ELL: variants seen among roughly 807,000 people sequenced by gnomAD.
ELL encodes the protein elongation factor for RNA polymerase II, also known as RNA polymerase II elongation factor ELL.
A neutral mutation model predicts 64.0 loss-of-function variants in ELL; 18 were observed. The ratio of observed to expected loss-of-function variants is 0.28; its 90% CI spans 0.19 to 0.42. The LOEUF is 0.42. ELL is among the 10% of genes least tolerant of loss of function. The pLI, the probability that ELL is intolerant of heterozygous loss-of-function variation, is 1.00. For synonymous variants in ELL, 399 were observed against 376.2 expected (o/e 1.06, Z -0.70); for missense variants, 797 against 870.4 (o/e 0.92, Z 1.06).
chr19:18,508,765 C>G (rs1975938286), intron 1 of ELL, among the ~76,000 whole-genome samples: 1 of 152,216 alleles, frequency 6.6e-6, no homozygotes. Flanking sequence ...GCAAGAGCAG[C>G]CATAAATTAC....
At chr19:18,515,360 T>C (rs955223089) in intron 1 of ELL, among the ~76,000 whole-genome samples, 1 of 152,170 alleles carries the variant, frequency 6.6e-6, no homozygotes, top group Non-Finnish European at 1.5e-5. Context: ...GCCCACCTGT[T>C]CCACCCCAGC....
At chr19:18,520,687 G>A (rs1015019368) in intron 1 of ELL, among the ~76,000 whole-genome samples, 1 of 151,840 alleles carries the variant, frequency 6.6e-6, no homozygotes, top group African/African-American at 2.4e-5. Flanking sequence ...TTCCTAGTTA[G>A]TCTCCCTCCT....
intron 1 of ELL, among the ~76,000 whole-genome samples, chr19:18,479,182 C>T (rs1975239681): frequency 6.6e-6 from 1 of 152,174 alleles, no homozygotes; most frequent in Non-Finnish European, 1.5e-5. Flanking sequence ...AGGGCGGGGA[C>T]AGTCCCCACC....
chr19:18,465,271 C>A, intron 4 of ELL, 141 bp downstream of exon 4: 2 of 1,241,056 alleles, frequency 1.6e-6, no homozygotes, highest in Non-Finnish European at 2.2e-6. Context: ...CCAGGCACGT[C>A]CTGCTCAGGG....
rs1012199030 is a variant in ELL at position 18,449,879 on chromosome 19, G to A, written c.1465+598C>T. Among the ~76,000 whole-genome samples the A allele has an allele frequency of 6.6e-6, 1 of 152,202 alleles. No individual in the cohort carries two copies. The highest frequency in any genetic ancestry group is 2.4e-5 in the African/African-American group (1 of 41,448). On this transcript the variant is annotated intron_variant, in intron 8 of 11. Coordinates refer to ENST00000262809, the MANE Select transcript of ELL (RefSeq NM_006532.4). The surrounding 1 kb of genome is among the most constrained non-coding windows in gnomAD (Gnocchi z 4.4). The stretch of plus-strand genomic sequence containing the variant: ...CTACTGCTGCTCAGTTTAGGTGCCT[G>A]GGCTGTGGTCTCGGAGCCGCCCAGG...
intron 5 of ELL, among the ~76,000 whole-genome samples, chr19:18,461,367 G>A (rs1974810327): frequency 2.6e-5 from 4 of 152,194 alleles, no homozygotes; most frequent in Admixed American, 2.6e-4. Context: ...GGACAGTCGG[G>A]GCCATGCCCA....
At chr19:18,485,390 G>A (rs1265385743) in intron 1 of ELL, among the ~76,000 whole-genome samples, 2 of 152,078 alleles carry the variant, frequency 1.3e-5, no homozygotes, top group East Asian at 3.9e-4. Context: ...CACTCCCAAG[G>A]CCACCCGTCC....
intron 1 of ELL, among the ~76,000 whole-genome samples, chr19:18,495,365 G>A (rs1287707841): frequency 2.0e-5 from 3 of 152,190 alleles, no homozygotes; most frequent in East Asian, 1.9e-4. Context: ...GGGGTGTGGA[G>A]AGGAACTGGC....
intron 4 of ELL, among the ~76,000 whole-genome samples, chr19:18,462,978 GGGCAGGGTCCAGCACGCTGCT>G (rs1974858598): frequency 6.6e-6 from 1 of 152,088 alleles, no homozygotes; most frequent in Non-Finnish European, 1.5e-5. Context: ...GCAGAGACGT[GGGCAGGGTCCAGCACGCTGCT>G]CCCCTGCTCT....
chr19:18,481,981 G>C (rs1202217409), intron 1 of ELL, among the ~76,000 whole-genome samples: 2 of 152,156 alleles, frequency 1.3e-5, no homozygotes, highest in African/African-American at 2.4e-5. Context: ...GGCAGCGAAT[G>C]AGAGTTCCTG....
chr19:18,504,017 C>A (rs1206267030), intron 1 of ELL, among the ~76,000 whole-genome samples: 5 of 152,264 alleles, frequency 3.3e-5, no homozygotes, highest in Non-Finnish European at 5.9e-5. Flanking sequence ...AAGGGGCTCA[C>A]TGAAGCACTG....
chr19:18,478,076 C>G (rs1975217112), intron 1 of ELL, among the ~76,000 whole-genome samples: 1 of 152,132 alleles, frequency 6.6e-6, no homozygotes, highest in Non-Finnish European at 1.5e-5. Context: ...AGCTAGGTCC[C>G]TTCACGGTGG....
chr19:18,452,531 G>A (rs918123410), intron 6 of ELL, among the ~76,000 whole-genome samples: 1 of 152,250 alleles, frequency 6.6e-6, no homozygotes, highest in Non-Finnish European at 1.5e-5. Flanking sequence ...GAAGACACCG[G>A]AAAGCATAGC....
intron 7 of ELL, 105 bp downstream of exon 7, chr19:18,451,447 G>C: frequency 1.9e-6 from 2 of 1,063,596 alleles, no homozygotes; most frequent in South Asian, 3.9e-5. Context: ...ACTTGGAGCA[G>C]CTCATGCTCC....
rs144941148 is a variant in ELL at position 18,479,022 on chromosome 19, C to T, written c.136-6140G>A. On this transcript the variant is annotated intron_variant, in intron 1 of 11. Transcript: ENST00000262809. ...CAGAATCCCCTGATCCTCTCCCCTC[C>T]GGCAAAGAGCACTTCCGGGGATGAA... Among the ~76,000 whole-genome samples, 102 of 152,346 alleles carry T rather than the reference C, an allele frequency of 6.7e-4. 1 individual carries two copies. The highest frequency in any genetic ancestry group is 3.4e-3 in the Middle Eastern group (1 of 294).
rs897929697 is a variant in ELL, at chr19:18,451,568, G to A, written c.950C>T (p.Ser317Leu). The A allele has an allele frequency of 8.0e-6, 12 of 1,491,336 alleles. No individual in the cohort carries two copies. Among genetic ancestry groups the A allele is most frequent in the Admixed American group, 5.0e-5 (2 of 39,746 alleles). 92.4% of individuals were successfully genotyped at this position (1,491,336 alleles called of 1,614,324 possible). ...CTCACTTACCTGTGGGGGCGAGGCC[G>A]AGCGCCCACGCTCGCCTGGGGGGCT... is the stretch of plus-strand genomic sequence containing the variant. Reference protein sequence around the residue: ...ASSPPGERGRSASPPQKRLQP... With the variant: ...ASSPPGERGRLASPPQKRLQP... Residue 317 changes from serine (S) to leucine (L), a missense_variant, in exon 7 of 12, where the codon TCG (serine) becomes TTG (leucine). Physicochemically the swap from Ser to Leu is moderately radical, Grantham distance 145 (BLOSUM62 -2). Coordinates refer to ENST00000262809, the MANE Select transcript of ELL (RefSeq NM_006532.4).
chr19:18,450,880 C>T lies in ELL; in HGVS notation c.1062G>A (p.Gly354=). 6.3e-7 allele frequency: 1 copy of T among 1,580,942 alleles called. No homozygotes were observed. The highest frequency in any genetic ancestry group is 8.6e-7 in the Non-Finnish European group (1 of 1,162,316). ...CACGGCCATTGGGCACGCCCAGCTT[C>T]CCGTTGACGGCAGGCTGAGCTCTCT... ...FTQRAQPAVN[G]KLGVPNGREA... is the part of the protein sequence containing the mutation. Residue 354 remains glycine, a synonymous_variant, in exon 8 of 12, where the codon GGG becomes GGA. Transcript: ENST00000262809.
At chr19:18,465,366 G>T (rs1365780142) in intron 4 of ELL, 46 bp downstream of exon 4, 1 of 1,542,754 alleles carries the variant, frequency 6.5e-7, no homozygotes, top group South Asian at 1.2e-5. Context: ...TCCCGACACT[G>T]GCAGCTGCCC....
intron 1 of ELL, 152 bp downstream of exon 1, chr19:18,521,769 C>A: frequency 2.5e-6 from 3 of 1,215,126 alleles, no homozygotes; most frequent in Non-Finnish European, 2.2e-6. Flanking sequence ...CCAGGCCGGA[C>A]TGGCGCCCAC....
Sources: allele counts gnomAD v4.1 joint callset (sites outside exome capture counted in the v4.1 genomes callset), GRCh38; gene constraint gnomAD v4.1.1; non-coding constraint Gnocchi (gnomAD v3.1); transcripts MANE v1.5; gene names NCBI Gene and HGNC (gene_info 2026-07-23, HGNC 2026-07-21).